MBNL1: variants seen among roughly 807,000 people sequenced by gnomAD.
The protein encoded by MBNL1 is muscleblind like splicing regulator 1.
Under a neutral mutation model 42.2 loss-of-function variants are expected in MBNL1, and 8 were observed. The observed-to-expected ratio is 0.19, with a 90% CI of 0.11 to 0.34. The LOEUF (loss-of-function observed/expected upper bound fraction) is 0.34. Among genes scored for constraint, MBNL1 ranks in the 10% least tolerant of loss-of-function variants. MBNL1 has a pLI of 1.00. For missense variants in MBNL1, 309 were observed against 495.3 expected (o/e 0.62, Z 3.57); for synonymous variants, 169 against 173.9 (o/e 0.97, Z 0.22).
intron 2 of MBNL1, among the ~76,000 whole-genome samples, chr3:152,349,825 A>C (rs1053713294): frequency 1.3e-5 from 2 of 152,022 alleles, no homozygotes; most frequent in African/African-American, 4.8e-5. Flanking sequence ...CATCATGTAG[A>C]TAGGAAGGTT....
At chr3:152,385,881 C>T (rs1475299287) in intron 2 of MBNL1, among the ~76,000 whole-genome samples, 1 of 151,992 alleles carries the variant, frequency 6.6e-6, no homozygotes, top group Non-Finnish European at 1.5e-5. Flanking sequence ...GAGTAGTTCA[C>T]TATTTTATGT....
rs559275244 is a variant in MBNL1, at chr3:152,273,465, AGAGAGGCATC to A, written c.-790+4374_-790+4383del. 2.4e-3 allele frequency among the ~76,000 whole-genome samples: 364 copies of A among 152,342 alleles called. 2 individuals are homozygous for A. The highest frequency in any genetic ancestry group is 5.2e-3 in the Admixed American group (79 of 15,302). On this transcript the variant is annotated intron_variant, in intron 1 of 9. Transcript: ENST00000324210. ...CTTTCAGATAATCGTTCATGTTTTT[AGAGAGGCATC>A]TCATCATATGTGCCTGTGAAATCTG...
At chr3:152,338,666 A>G (rs1304254116) in intron 2 of MBNL1, 1 of 985,280 alleles carries the variant, frequency 1.0e-6, no homozygotes, top group African/African-American at 1.7e-5. Flanking sequence ...TCCAGAAGAT[A>G]TGTAAAGGTA....
intron 2 of MBNL1, among the ~76,000 whole-genome samples, chr3:152,251,515 TCTC>T (rs1333682441): frequency 6.6e-6 from 1 of 152,126 alleles, no homozygotes; most frequent in Non-Finnish European, 1.5e-5. Context: ...GTCTCTTTAG[TCTC>T]CTTTTGTCTG....
At chr3:152,335,886 C>G (rs55825675) in intron 2 of MBNL1, among the ~76,000 whole-genome samples, 18,601 of 152,088 alleles carry the variant, frequency 0.12, 1,275 homozygotes, top group Middle Eastern at 0.18. Context: ...CATGGGGGAA[C>G]AGACTTGTTT....
At chr3:152,394,036 T>C (rs1467655328) in intron 2 of MBNL1, among the ~76,000 whole-genome samples, 9 of 152,194 alleles carry the variant, frequency 5.9e-5, no homozygotes, top group Admixed American at 5.2e-4. Flanking sequence ...TGACATTCAG[T>C]TCATCCTACA....
At chr3:152,414,118 T>C (rs1334184318) in intron 2 of MBNL1, among the ~76,000 whole-genome samples, 1 of 152,228 alleles carries the variant, frequency 6.6e-6, no homozygotes, top group Non-Finnish European at 1.5e-5. Context: ...TAGGATGGTC[T>C]GGATGGTATA....
intron 2 of MBNL1, among the ~76,000 whole-genome samples, chr3:152,398,560 A>G (rs553262736): frequency 3.7e-4 from 56 of 152,314 alleles, no homozygotes; most frequent in Admixed American, 1.3e-3. Context: ...AGATTATGAA[A>G]GATGGGTCTG....
At chr3:152,362,671 A>G (rs1578697638) in intron 2 of MBNL1, among the ~76,000 whole-genome samples, 1 of 151,948 alleles carries the variant, frequency 6.6e-6, no homozygotes, top group Non-Finnish European at 1.5e-5. Flanking sequence ...TTTTCCCCCA[A>G]CCTCCAGATG....
At chr3:152,293,205 G>GTACT (rs2056948147) in intron 1 of MBNL1, among the ~76,000 whole-genome samples, 1 of 152,152 alleles carries the variant, frequency 6.6e-6, no homozygotes. Flanking sequence ...ATTGCCATGG[G>GTACT]TACTGCTGGT....
chr3:152,297,660 T>G (rs1403231065), intron 1 of MBNL1, among the ~76,000 whole-genome samples: 1 of 151,686 alleles, frequency 6.6e-6, no homozygotes, highest in Non-Finnish European at 1.5e-5. Context: ...AGCCATGGGT[T>G]TTTTAAATTT....
At chr3:152,380,940 G>A (rs747677169) in intron 2 of MBNL1, among the ~76,000 whole-genome samples, 3 of 151,930 alleles carry the variant, frequency 2.0e-5, no homozygotes, top group South Asian at 2.1e-4. Flanking sequence ...TTTGTTAATA[G>A]CAAGTTCTTA....
At chr3:152,344,542 CA>C (rs1468459268) in intron 2 of MBNL1, among the ~76,000 whole-genome samples, 2 of 152,096 alleles carry the variant, frequency 1.3e-5, no homozygotes, top group African/African-American at 4.8e-5. Flanking sequence ...AAACTCAAAC[CA>C]AGTGTTTCCG....
At chr3:152,382,880 C>T (rs1305263749) in intron 2 of MBNL1, among the ~76,000 whole-genome samples, 8 of 152,108 alleles carry the variant, frequency 5.3e-5, no homozygotes, top group Non-Finnish European at 1.2e-4. Flanking sequence ...TCTTGTATAT[C>T]ACTCCGTACT....
chr3:152,289,483 G>A (rs954734531), intron 1 of MBNL1, among the ~76,000 whole-genome samples: 6 of 151,982 alleles, frequency 3.9e-5, no homozygotes, highest in South Asian at 2.1e-4. Context: ...GTTTTGTGGC[G>A]TATCTTAGTC....
At chr3:152,408,546 GA>G (rs1410352166) in intron 2 of MBNL1, among the ~76,000 whole-genome samples, 7 of 151,994 alleles carry the variant, frequency 4.6e-5, no homozygotes, top group African/African-American at 1.7e-4. Flanking sequence ...TAATTGGGGT[GA>G]GTATATAAGT....
chr3:152,401,949 G>A (rs1002110461), intron 2 of MBNL1, among the ~76,000 whole-genome samples: 8 of 151,032 alleles, frequency 5.3e-5, no homozygotes, highest in Non-Finnish European at 8.9e-5. Context: ...GGAGAATGGC[G>A]TGAACCTGGG....
intron 9 of MBNL1, among the ~76,000 whole-genome samples, chr3:152,462,032 T>C (rs1483299906): frequency 6.6e-6 from 1 of 152,148 alleles, no homozygotes; most frequent in Non-Finnish European, 1.5e-5. Context: ...TGAAACCTTA[T>C]TAAACTTCAG....
chr3:152,274,046 C>T lies in MBNL1; in HGVS notation c.-790+4954C>T, dbSNP rs184381951. ...GATGATGTCCATGCTGATGTCAACTCCATTCCAGTCCTGCTTTAGCTAAAT... is the reference window on the plus strand; with the variant it reads ...GATGATGTCCATGCTGATGTCAACTTCATTCCAGTCCTGCTTTAGCTAAAT... On this transcript the variant is annotated intron_variant, in intron 1 of 9. Transcript: ENST00000324210. Among the ~76,000 whole-genome samples, 189 of 152,286 alleles carry T rather than the reference C, an allele frequency of 1.2e-3. 1 individual carries two copies. The highest frequency in any genetic ancestry group is 2.0e-3 in the Non-Finnish European group (136 of 67,992).
Sources: gnomAD v4.1 joint callset for allele counts (sites outside exome capture counted in the v4.1 genomes callset) on GRCh38, gnomAD v4.1.1 for gene constraint, MANE v1.5 for transcripts, NCBI Gene and HGNC (gene_info 2026-07-23, HGNC 2026-07-21) for gene names.